ZC3H4: variants seen among roughly 807,000 people sequenced by gnomAD.
ZC3H4 encodes zinc finger CCCH-type containing 4.
ZC3H4 carries 13 observed loss-of-function variants against 108.3 expected under a neutral mutation model. That is an observed-to-expected ratio of 0.12 (90% CI 0.08 to 0.19). The LOEUF (loss-of-function observed/expected upper bound fraction) is 0.19. Among genes scored for constraint, ZC3H4 ranks in the 10% least tolerant of loss-of-function variants. The probability of loss-of-function intolerance (pLI) is 1.00; values close to 1 mark genes in which losing one functional copy is unlikely to be tolerated. For missense variants in ZC3H4, 1,734 were observed against 1,838.8 expected (o/e 0.94, Z 1.04); for synonymous variants, 917 against 749.6 (o/e 1.22, Z -3.65).
chr19:47,072,192 C>G lies in ZC3H4; in HGVS notation c.1803-71G>C. Reference sequence around the variant, plus strand: ...CAGTGGCCACACCCCAGAGGAGAGGCGGAGGGCTGCAGAGCCGAAGGTCAT... The same window carrying G: ...CAGTGGCCACACCCCAGAGGAGAGGGGGAGGGCTGCAGAGCCGAAGGTCAT... On this transcript the variant is annotated intron_variant, in intron 12 of 14. Transcript: ENST00000253048. The surrounding 1 kb of genome is among the most constrained non-coding windows in gnomAD (Gnocchi z 5.6). 1 of 1,435,036 alleles carries G rather than the reference C, an allele frequency of 7.0e-7. No individual in the cohort carries two copies. Among genetic ancestry groups the G allele is most frequent in the Non-Finnish European group, 9.3e-7 (1 of 1,077,486 alleles). The allele number at this position is 1,435,036 out of a possible 1,614,324, so 88.9% of individuals were successfully genotyped here. A position where few individuals can be genotyped will look rare whatever the true frequency, so the allele number is the denominator to read the frequency against.
chr19:47,078,122 C>T (rs549479086), intron 11 of ZC3H4, among the ~76,000 whole-genome samples: 69 of 152,198 alleles, frequency 4.5e-4, no homozygotes, highest in Middle Eastern at 6.8e-3. Context: ...TTTTTCCAGC[C>T]GTTGAAACTA....
At chr19:47,078,627 C>T (rs1230404621) in intron 11 of ZC3H4, among the ~76,000 whole-genome samples, 1 of 152,044 alleles carries the variant, frequency 6.6e-6, no homozygotes, top group African/African-American at 2.4e-5. Flanking sequence ...AACCCTGTCT[C>T]TACTAAGAAT....
At chr19:47,082,041 G>C (rs1173789288) in intron 10 of ZC3H4, 143 bp downstream of exon 10, 1 of 734,524 alleles carries the variant, frequency 1.4e-6, no homozygotes, top group African/African-American at 1.7e-5. Context: ...GCGGACGTGA[G>C]TGTTAAATGA....
Position 47,085,363 on chromosome 19 carries a change from T to C in ZC3H4, c.922A>G (p.Lys308Glu). The change falls in exon 7 of 15, where the codon AAG becomes GAG. Residue 308 changes from lysine (K) to glutamate (E), a missense_variant. Physicochemically the swap from Lys to Glu is moderately conservative, Grantham distance 56. Around this residue, in one of 9 missense-constraint regions of ZC3H4, gnomAD observed 403 missense variants for 457.0 expected, o/e 0.88. Transcript: ENST00000253048. Reference sequence around the variant, plus strand: ...GAGCGGCGGTACTGGTTCAGCTCCTTGGAGTACTCGTCATAGTCGTCGTCT... The same window carrying C: ...GAGCGGCGGTACTGGTTCAGCTCCTCGGAGTACTCGTCATAGTCGTCGTCT... ...MGDDDYDEYS[K>E]ELNQYRRSKD... 1.2e-6 allele frequency: 2 copies of C among 1,604,044 alleles called. No individual in the cohort carries two copies. The highest frequency in any genetic ancestry group is 1.7e-6 in the Non-Finnish European group (2 of 1,174,758).
chr19:47,066,555 G>A lies in ZC3H4; in HGVS notation c.3713C>T (p.Pro1238Leu), dbSNP rs1351724455. ...CCCGGGCTGGGGTGGGGCACCCTCG[G>A]GGGGTGGGGTGGCGGTGGTGGCAGC... ...APAATTATPP[P>L]EGAPPQPGVH... Residue 1238 changes from proline (P) to leucine (L), a missense_variant, in exon 15 of 15, where the codon CCC becomes CTC. This residue lies in a region of ZC3H4 where 518 missense variants were observed against 499.6 expected (regional missense o/e 1.04). Transcript: ENST00000253048. 1 of 1,575,842 alleles carries A rather than the reference G, an allele frequency of 6.3e-7. No individual in the cohort carries two copies. Among genetic ancestry groups the A allele is most frequent in the Admixed American group, 1.7e-5 (1 of 57,524 alleles).
intron 5 of ZC3H4, among the ~76,000 whole-genome samples, chr19:47,088,976 G>C (rs191418100): frequency 3.3e-5 from 5 of 152,114 alleles, no homozygotes; most frequent in African/African-American, 1.2e-4. Flanking sequence ...GGGAGGCCGA[G>C]GTGGGCAGAT....
In ZC3H4 at chr19:47,099,332, G is replaced by C. The variant is rs893740385; in HGVS notation, c.162-4724C>G. Among the ~76,000 whole-genome samples the C allele has an allele frequency of 2.6e-5, 4 of 152,054 alleles. No homozygotes were observed. In the South Asian group the frequency reaches 8.3e-4, roughly 32 times the overall value. On this transcript the variant is annotated intron_variant, in intron 2 of 14. Coordinates refer to ENST00000253048, the MANE Select transcript of ZC3H4 (RefSeq NM_015168.2). Reference sequence around the variant, plus strand: ...AAATTAGTCGGGCTTGGAAGAACACGCCTGTAAACCCAGCTACTCGGGAGG... The same window carrying C: ...AAATTAGTCGGGCTTGGAAGAACACCCCTGTAAACCCAGCTACTCGGGAGG...
At chr19:47,075,300 CCA>C (rs1243275720) in intron 11 of ZC3H4, among the ~76,000 whole-genome samples, 2 of 152,182 alleles carry the variant, frequency 1.3e-5, no homozygotes, top group African/African-American at 4.8e-5. Flanking sequence ...GTGGGCACCA[CCA>C]CCTGAGATGA....
intron 2 of ZC3H4, among the ~76,000 whole-genome samples, chr19:47,104,460 T>TC: frequency 6.6e-6 from 1 of 152,266 alleles, no homozygotes; most frequent in East Asian, 1.9e-4. Flanking sequence ...CAGGGCCAGG[T>TC]ACAGATTGGG....
intron 5 of ZC3H4, among the ~76,000 whole-genome samples, chr19:47,089,742 C>T (rs769595312): frequency 1.3e-5 from 2 of 152,196 alleles, no homozygotes; most frequent in African/African-American, 2.4e-5. Flanking sequence ...CTTTCGGGCA[C>T]GCTGGCCTTC....
rs1219515178 is a variant in ZC3H4, at chr19:47,066,628, T to G, written c.3640A>C (p.Arg1214=). ...AGADGGTPTD[R]YNSYNRPRPK... Reference sequence around the variant, plus strand: ...CGGGGCCGGTTGTAGCTGTTGTATCTGTCCGTGGGGGTGCCCCCATCAGCA... The same window carrying G: ...CGGGGCCGGTTGTAGCTGTTGTATCGGTCCGTGGGGGTGCCCCCATCAGCA... Residue 1214 remains arginine, a synonymous_variant, in exon 15 of 15, where the codon AGA becomes CGA. Coordinates refer to ENST00000253048, the MANE Select transcript of ZC3H4 (RefSeq NM_015168.2). 6.2e-7 allele frequency: 1 copy of G among 1,611,368 alleles called. No homozygotes were observed. The highest frequency in any genetic ancestry group is 8.5e-7 in the Non-Finnish European group (1 of 1,179,214).
chr19:47,089,128 C>T (rs1031019990), intron 5 of ZC3H4, among the ~76,000 whole-genome samples: 6 of 150,264 alleles, frequency 4.0e-5, no homozygotes, highest in Admixed American at 2.0e-4. Context: ...ATTGCTTGAA[C>T]CCGGAAAGCA....
chr19:47,095,116 G>A (rs1202857807), intron 2 of ZC3H4, among the ~76,000 whole-genome samples: 1 of 152,154 alleles, frequency 6.6e-6, no homozygotes, highest in Non-Finnish European at 1.5e-5. Flanking sequence ...CCCAGGCCCA[G>A]GATTGCCTGC....
At chr19:47,095,705 G>A (rs1047653149) in intron 2 of ZC3H4, among the ~76,000 whole-genome samples, 5 of 152,168 alleles carry the variant, frequency 3.3e-5, no homozygotes, top group African/African-American at 9.7e-5. Flanking sequence ...TCCAGTTTTT[G>A]AGCCAAACCC....
Position 47,090,141 on chromosome 19 carries a change from C to T in ZC3H4, c.541G>A (p.Ala181Thr), listed in dbSNP as rs761611117. 16 of 1,614,176 alleles carry T rather than the reference C, an allele frequency of 9.9e-6. No homozygotes were observed. Among genetic ancestry groups the T allele is most frequent in the Non-Finnish European group, 1.3e-5 (15 of 1,180,034 alleles). ...CTCTTGCTGTCCATCTTGGAGTATG[C>T]CTTCTTGGGCAGGGGCGTGGCATGC... Reference protein sequence around the residue: ...PSHATPLPKKAYSKMDSKSYG... With the variant: ...PSHATPLPKKTYSKMDSKSYG... Residue 181 changes from alanine to threonine, a missense_variant, in exon 5 of 15, where the codon GCA becomes ACA. Physicochemically the swap from Ala to Thr is moderately conservative, Grantham distance 58. Coordinates refer to ENST00000253048, the MANE Select transcript of ZC3H4 (RefSeq NM_015168.2).
At chr19:47,109,071 AG>A (rs1453290905) in intron 2 of ZC3H4, among the ~76,000 whole-genome samples, 4 of 152,190 alleles carry the variant, frequency 2.6e-5, no homozygotes, top group African/African-American at 9.7e-5. Context: ...TTATTAAATC[AG>A]GGATTCTGAG....
rs545344605 is a variant in ZC3H4 at position 47,069,409 on chromosome 19, T to G, written c.2147-66A>C. 1.2e-4 allele frequency: 187 copies of G among 1,543,410 alleles called. No homozygotes were observed. The South Asian group carries it at 2.0e-3, about 17-fold the overall frequency. ...CTCCAGGTGCCAACTCCAGCCCCCCTGCCCCTCACTGCAAACCCACACCGA... is the reference window on the plus strand; with the variant it reads ...CTCCAGGTGCCAACTCCAGCCCCCCGGCCCCTCACTGCAAACCCACACCGA... On this transcript the variant is annotated intron_variant, in intron 13 of 14. Coordinates refer to ENST00000253048, the MANE Select transcript of ZC3H4 (RefSeq NM_015168.2).
chr19:47,085,244 C>G, intron 7 of ZC3H4, 49 bp from the exon 8 acceptor site: 1 of 1,575,904 alleles, frequency 6.3e-7, no homozygotes, highest in Non-Finnish European at 8.7e-7. Flanking sequence ...CCCTCCCCCA[C>G]CCCCAGGACT....
At chr19:47,069,025 C>T (rs2057273714) in intron 14 of ZC3H4, 67 bp downstream of exon 14, 1 of 1,595,006 alleles carries the variant, frequency 6.3e-7, no homozygotes, top group Non-Finnish European at 8.5e-7. Flanking sequence ...CTGGAACACC[C>T]CACCACCGCC....
Sources: gnomAD v4.1 joint callset for allele counts (sites outside exome capture counted in the v4.1 genomes callset) on GRCh38, gnomAD v4.1.1 for gene constraint, gnomAD v4.1.1 regional missense constraint, Gnocchi (gnomAD v3.1) non-coding constraint, MANE v1.5 for transcripts, NCBI Gene and HGNC (gene_info 2026-07-23, HGNC 2026-07-21) for gene names.